CFAP47: variants seen among roughly 807,000 people sequenced by gnomAD.
The protein encoded by CFAP47 is cilia- and flagella-associated protein 47.
In CFAP47, 29 loss-of-function variants were observed where a neutral mutation model predicts 148.1. The observed-to-expected ratio is 0.20, with a 90% CI of 0.15 to 0.27. The LOEUF is 0.27. CFAP47 is among the 10% of genes least tolerant of loss of function. The probability of loss-of-function intolerance (pLI) is 1.00; values close to 1 mark genes in which losing one functional copy is unlikely to be tolerated. For missense variants in CFAP47, 1,872 were observed against 1,697.5 expected (o/e 1.10, Z -1.81); for synonymous variants, 664 against 577.3 (o/e 1.15, Z -2.15).
intron 57 of CFAP47, among the ~76,000 whole-genome samples, chrX:36,325,211 A>T (rs1941508333): frequency 8.9e-6 from 1 of 111,999 alleles, no homozygotes; most frequent in Admixed American, 9.5e-5. Context: ...ATAGCAATAT[A>T]CAATGTGCCA....
At chrX:36,133,978 A>G (rs1399685668) in intron 33 of CFAP47, among the ~76,000 whole-genome samples, 1 of 110,716 alleles carries the variant, frequency 9.0e-6, no homozygotes, top group African/African-American at 3.3e-5. Context: ...ATATATGATC[A>G]CTATACAATT....
At chrX:36,357,244 T>G (rs1941792939) in intron 60 of CFAP47, among the ~76,000 whole-genome samples, 1 of 112,139 alleles carries the variant, frequency 8.9e-6, no homozygotes, top group African/African-American at 3.2e-5. Flanking sequence ...TCTCCTATAC[T>G]TTTTCCCTTC....
In CFAP47 at chrX:36,284,174, C is replaced by T. The variant is rs1189343536; in HGVS notation, c.7589-1455C>T. ...AGCAGAGCCTTCCTTAATAATCTCTCATCAGTATAAATTTGGTAACCTTAT... is the reference window on the plus strand; with the variant it reads ...AGCAGAGCCTTCCTTAATAATCTCTTATCAGTATAAATTTGGTAACCTTAT... On this transcript the variant is annotated intron_variant, in intron 50 of 63. Coordinates refer to ENST00000378653, the MANE Select transcript of CFAP47 (RefSeq NM_001304548.2). Among the ~76,000 whole-genome samples, 6 of 111,526 alleles carry T rather than the reference C, an allele frequency of 5.4e-5. No homozygotes were observed. In the East Asian group the frequency reaches 1.1e-3, roughly 21 times the overall value.
At chrX:35,950,299 G>T (rs1936144309) in intron 4 of CFAP47, among the ~76,000 whole-genome samples, 1 of 112,006 alleles carries the variant, frequency 8.9e-6, no homozygotes, top group Non-Finnish European at 1.9e-5. Flanking sequence ...TTCCCAAAGA[G>T]AATTGAAATT....
rs1428630734 is a variant in CFAP47 at position 35,971,621 on chromosome X, G to A, written c.2006G>A (p.Gly669Asp). The A allele has an allele frequency of 1.7e-6, 2 of 1,193,775 alleles. No homozygotes were observed. Among genetic ancestry groups the A allele is most frequent in the African/African-American group, 3.5e-5 (2 of 56,752 alleles). ...TATTCATATGATGATACAGACATAG[G>A]CTTAGAGCCAGGATCAGGTCTAAAG... ...RMYSYDDTDI[G>D]LEPGSGLKSP... The change falls in exon 12 of 64, where the codon GGC (glycine) becomes GAC (aspartate). Residue 669 changes from glycine to aspartate, a missense_variant. Coordinates refer to ENST00000378653, the MANE Select transcript of CFAP47 (RefSeq NM_001304548.2).
At chrX:35,977,746 T>A (rs1936590578) in intron 15 of CFAP47, among the ~76,000 whole-genome samples, 1 of 112,176 alleles carries the variant, frequency 8.9e-6, no homozygotes, top group African/African-American at 3.2e-5. Context: ...GTATTTTACA[T>A]AGCTCTAAAA....
chrX:36,138,670 G>T (rs1939088528), intron 35 of CFAP47, among the ~76,000 whole-genome samples: 1 of 110,685 alleles, frequency 9.0e-6, no homozygotes, highest in African/African-American at 3.3e-5. Flanking sequence ...TATACATCCA[G>T]CTGTGCATAA....
At chrX:36,107,739 TCTC>T (rs1390998194) in intron 33 of CFAP47, among the ~76,000 whole-genome samples, 1 of 111,905 alleles carries the variant, frequency 8.9e-6, no homozygotes, top group African/African-American at 3.2e-5. Flanking sequence ...CATTCTCTCT[TCTC>T]CTCTGTTACT....
chrX:36,333,775 G>T (rs73460169), intron 57 of CFAP47, among the ~76,000 whole-genome samples: 5,621 of 110,341 alleles, frequency 0.051, 392 homozygotes, highest in African/African-American at 0.18. Flanking sequence ...TCTTTCTCCA[G>T]TTCATTACCT....
rs182477412 is a variant in CFAP47, at chrX:36,133,103, G to A, written c.5321-4855G>A. 1.3e-4 allele frequency among the ~76,000 whole-genome samples: 14 copies of A among 111,324 alleles called. 1 individual carries two copies. Among genetic ancestry groups the A allele is most frequent in the East Asian group, 5.7e-4 (2 of 3,498 alleles). On this transcript the variant is annotated intron_variant, in intron 33 of 63. Coordinates refer to ENST00000378653, the MANE Select transcript of CFAP47 (RefSeq NM_001304548.2). Reference sequence around the variant, plus strand: ...GAATAGTTGAGTTAGGGTGATTGGCGTATTGGTAGAGGCCAAGTATACACT... The same window carrying A: ...GAATAGTTGAGTTAGGGTGATTGGCATATTGGTAGAGGCCAAGTATACACT...
At chrX:36,170,469 C>T (rs990264162) in intron 39 of CFAP47, among the ~76,000 whole-genome samples, 9 of 109,359 alleles carry the variant, frequency 8.2e-5, no homozygotes, top group African/African-American at 3.0e-4. Context: ...CACAACAGTC[C>T]CCAGAGTGTG....
At chrX:36,073,391 C>T (rs773402283) in intron 29 of CFAP47, 27 bp downstream of exon 29, 3 of 990,756 alleles carry the variant, frequency 3.0e-6, no homozygotes, top group Non-Finnish European at 4.3e-6. Flanking sequence ...TCTCTAAATT[C>T]TTTGCTTCAT....
intron 56 of CFAP47, among the ~76,000 whole-genome samples, chrX:36,318,196 G>A (rs1284342249): frequency 9.0e-6 from 1 of 111,655 alleles, no homozygotes; most frequent in Non-Finnish European, 1.9e-5. Flanking sequence ...ATATCTTTTG[G>A]CATTTCCTTC....
At chrX:36,073,491 G>T in intron 29 of CFAP47, 127 bp downstream of exon 29, 1 of 443,840 alleles carries the variant, frequency 2.3e-6, no homozygotes, top group Non-Finnish European at 3.7e-6. Flanking sequence ...ATATTATGAA[G>T]CATCTCATAA....
intron 10 of CFAP47, among the ~76,000 whole-genome samples, chrX:35,968,779 A>G (rs1485957032): frequency 1.8e-5 from 2 of 111,081 alleles, no homozygotes; most frequent in Non-Finnish European, 3.8e-5. Context: ...ATTACTTGAC[A>G]AGTACCATAA....
chrX:36,316,395 T>A (rs1157896382), intron 56 of CFAP47, among the ~76,000 whole-genome samples: 1 of 112,001 alleles, frequency 8.9e-6, no homozygotes, highest in East Asian at 2.8e-4. Flanking sequence ...TCTAAGGAGG[T>A]CATCATGATG....
At chrX:36,353,724 AACTT>A (rs1941762537) in intron 60 of CFAP47, 43 bp downstream of exon 60, 2 of 1,022,978 alleles carry the variant, frequency 2.0e-6, no homozygotes, top group East Asian at 6.7e-5. Context: ...TGAAAAAAGA[AACTT>A]AGTTTCCATG....
intron 8 of CFAP47, among the ~76,000 whole-genome samples, chrX:35,964,936 G>T (rs1163033412): frequency 9.0e-6 from 1 of 110,901 alleles, no homozygotes; most frequent in Admixed American, 9.6e-5. Flanking sequence ...AACTTACTAT[G>T]TTTGTCTAAT....
chrX:36,005,069 A>G (rs1233337084), intron 21 of CFAP47, among the ~76,000 whole-genome samples: 2 of 110,145 alleles, frequency 1.8e-5, no homozygotes, highest in African/African-American at 6.6e-5. Flanking sequence ...TCCAGATTTT[A>G]TAAAATTGAG....
Sources: gnomAD v4.1 joint callset for allele counts (sites outside exome capture counted in the v4.1 genomes callset) on GRCh38, gnomAD v4.1.1 for gene constraint, MANE v1.5 for transcripts, NCBI Gene and HGNC (gene_info 2026-07-23, HGNC 2026-07-21) for gene names.